The following DCC variants were observed in gnomAD, a reference collection of about 807,000 sequenced individuals.
DCC encodes the protein netrin receptor DCC.
In DCC, 58 loss-of-function variants were observed where a neutral mutation model predicts 172.5. That is an observed-to-expected ratio of 0.34 (90% confidence interval 0.27 to 0.42). The LOEUF (loss-of-function observed/expected upper bound fraction) is 0.42, where lower values mean the gene tolerates loss of function less well. DCC is among the 10% of genes least tolerant of loss of function. The probability of loss-of-function intolerance (pLI) is 1.00; values close to 1 mark genes in which losing one functional copy is unlikely to be tolerated. For missense variants in DCC, 1,740 were observed against 1,791.0 expected, an observed-to-expected ratio of 0.97 and a Z score of 0.51; for synonymous variants, 709 against 644.5, an observed-to-expected ratio of 1.10 and a Z score of -1.52.
At chr18:52,525,462 TAAAG>T (rs1250351566) in intron 1 of DCC, among the ~76,000 whole-genome samples, 1 of 152,164 alleles carries the variant, frequency 6.6e-6, no homozygotes, top group East Asian at 1.9e-4. Context: ...CTTTTGTAAA[TAAAG>T]ATTTATCTAG....
intron 7 of DCC, among the ~76,000 whole-genome samples, chr18:53,071,587 A>G (rs2042652072): frequency 6.6e-6 from 1 of 152,210 alleles, no homozygotes; most frequent in Non-Finnish European, 1.5e-5. Context: ...CATATATTAC[A>G]TTAAAAATAT....
chr18:52,949,784 T>A (rs1479955472), intron 5 of DCC, among the ~76,000 whole-genome samples: 1 of 152,232 alleles, frequency 6.6e-6, no homozygotes, highest in Non-Finnish European at 1.5e-5. Flanking sequence ...GATAATATAT[T>A]TTGCCTGTTG....
At chr18:52,628,700 G>C (rs2034618323) in intron 1 of DCC, among the ~76,000 whole-genome samples, 1 of 152,198 alleles carries the variant, frequency 6.6e-6, no homozygotes, top group Admixed American at 6.5e-5. Flanking sequence ...GAAGTGTCCT[G>C]GCAGTTTTGC....
intron 1 of DCC, among the ~76,000 whole-genome samples, chr18:52,550,402 A>G (rs985834832): frequency 1.3e-5 from 2 of 152,066 alleles, no homozygotes; most frequent in Admixed American, 6.6e-5. Flanking sequence ...ATTTTAAAAC[A>G]ATATATCCAT....
intron 2 of DCC, among the ~76,000 whole-genome samples, chr18:52,897,079 T>G (rs951596714): frequency 6.6e-6 from 1 of 152,210 alleles, no homozygotes; most frequent in African/African-American, 2.4e-5. Context: ...TAGGTGAGAT[T>G]ATGATAGACC....
At chr18:52,882,710 G>A (rs182148028) in intron 2 of DCC, among the ~76,000 whole-genome samples, 80 of 152,224 alleles carry the variant, frequency 5.3e-4, no homozygotes, top group African/African-American at 1.8e-3. Flanking sequence ...TTCATGTCCT[G>A]AGGAGAAGAA....
chr18:52,661,698 A>G (rs1296051676), intron 1 of DCC, among the ~76,000 whole-genome samples: 1 of 152,260 alleles, frequency 6.6e-6, no homozygotes, highest in African/African-American at 2.4e-5. Flanking sequence ...ACTTTCAAAT[A>G]GATATGGATG....
chr18:53,416,439 G>A, intron 21 of DCC: 1 of 587,044 alleles, frequency 1.7e-6, no homozygotes. Context: ...GTCTCTGTCT[G>A]CACTTCTGAA....
intron 7 of DCC, among the ~76,000 whole-genome samples, chr18:53,142,239 C>T (rs1439173946): frequency 1.3e-5 from 2 of 152,182 alleles, no homozygotes; most frequent in African/African-American, 4.8e-5. Flanking sequence ...ATCATAAATG[C>T]TCTGGTGGAT....
intron 1 of DCC, among the ~76,000 whole-genome samples, chr18:52,454,955 C>T (rs565847870): frequency 1.1e-4 from 16 of 152,208 alleles, no homozygotes; most frequent in Non-Finnish European, 2.1e-4. Flanking sequence ...TCAAATGACT[C>T]GTTTTGCATT....
chr18:53,085,439 T>C (rs1156764333), intron 7 of DCC, among the ~76,000 whole-genome samples: 3 of 152,122 alleles, frequency 2.0e-5, no homozygotes, highest in South Asian at 2.1e-4. Context: ...TTATTCTTTA[T>C]GTGTAAGAAA....
chr18:52,545,735 A>G (rs945451447), intron 1 of DCC, among the ~76,000 whole-genome samples: 19 of 152,174 alleles, frequency 1.2e-4, no homozygotes, highest in Admixed American at 1.2e-3. Context: ...GATTATTCAT[A>G]TCTTGAGACC....
chr18:52,819,616 C>A (rs1045956184), intron 2 of DCC, among the ~76,000 whole-genome samples: 1 of 152,080 alleles, frequency 6.6e-6, no homozygotes, highest in African/African-American at 2.4e-5. Context: ...TTATTAATCT[C>A]TTATAATCCA....
intron 12 of DCC, among the ~76,000 whole-genome samples, chr18:53,249,085 C>T (rs2056398602): frequency 6.6e-6 from 1 of 151,936 alleles, no homozygotes. Flanking sequence ...TTACTGCTTT[C>T]CTGCTGAGTT....
At chr18:53,178,347 T>C (rs1025564312) in intron 8 of DCC, among the ~76,000 whole-genome samples, 2 of 152,154 alleles carry the variant, frequency 1.3e-5, no homozygotes, top group East Asian at 1.9e-4. Flanking sequence ...ATTGAACACA[T>C]AGAGATGTGG....
intron 1 of DCC, among the ~76,000 whole-genome samples, chr18:52,541,138 A>T (rs2032434104): frequency 6.6e-6 from 1 of 152,196 alleles, no homozygotes. Flanking sequence ...TTCACGTGAC[A>T]TACCCAGATA....
intron 2 of DCC, among the ~76,000 whole-genome samples, chr18:52,867,469 T>G (rs2145373768): frequency 6.6e-6 from 1 of 152,270 alleles, no homozygotes; most frequent in South Asian, 2.1e-4. Context: ...AGCTCCTCTT[T>G]TTACCTCTGG....
intron 1 of DCC, among the ~76,000 whole-genome samples, chr18:52,620,117 T>A (rs1207395770): frequency 6.6e-6 from 1 of 152,234 alleles, no homozygotes; most frequent in Non-Finnish European, 1.5e-5. Flanking sequence ...GGCTCAGGCA[T>A]GTCATTTTGG....
intron 9 of DCC, among the ~76,000 whole-genome samples, chr18:53,188,163 G>A (rs987334169): frequency 6.6e-6 from 1 of 152,154 alleles, no homozygotes. Flanking sequence ...TAAGATAGTA[G>A]ATTCCAACCA....
Sources: gnomAD v4.1 joint callset for allele counts (sites outside exome capture counted in the v4.1 genomes callset) on GRCh38, gnomAD v4.1.1 for gene constraint, MANE v1.5 for transcripts, NCBI Gene and HGNC (gene_info 2026-07-23, HGNC 2026-07-21) for gene names.